The following SH2D4A variants were observed in gnomAD, a reference collection of about 807,000 sequenced individuals.
SH2D4A encodes the protein SH2 domain containing 4A.
SH2D4A carries 70 observed loss-of-function variants against 64.7 expected under a neutral mutation model. The observed-to-expected ratio is 1.08, with a 90% confidence interval of 0.89 to 1.32. SH2D4A has a LOEUF of 1.32. Ranked by LOEUF, SH2D4A falls within the 40% of genes most tolerant of loss-of-function variation. The pLI is 0.00. For missense variants in SH2D4A, 706 were observed against 540.1 expected (o/e 1.31, Z -3.04); for synonymous variants, 268 against 200.7 (o/e 1.34, Z -2.83).
At chr8:19,385,088 G>A (rs1018822397) in intron 8 of SH2D4A, among the ~76,000 whole-genome samples, 2 of 152,086 alleles carry the variant, frequency 1.3e-5, no homozygotes, top group African/African-American at 2.4e-5. Flanking sequence ...TGCTGTCATG[G>A]CATACAACTG....
At chr8:19,323,539 C>A (rs1484557635) in intron 2 of SH2D4A, among the ~76,000 whole-genome samples, 2 of 152,058 alleles carry the variant, frequency 1.3e-5, no homozygotes, top group Non-Finnish European at 2.9e-5. Context: ...CGCCAGCACA[C>A]CCAGCTAATT....
intron 7 of SH2D4A, among the ~76,000 whole-genome samples, chr8:19,372,892 G>C (rs1477211129): frequency 6.6e-6 from 1 of 151,376 alleles, no homozygotes; most frequent in Non-Finnish European, 1.5e-5. Flanking sequence ...TGTGGAAGAG[G>C]ATAAAGCAAG....
chr8:19,374,758 C>T (rs1271536915), intron 8 of SH2D4A, among the ~76,000 whole-genome samples: 7 of 152,034 alleles, frequency 4.6e-5, no homozygotes, highest in Non-Finnish European at 1.0e-4. Context: ...GGTTGCAAGC[C>T]TCCTTCCTTT....
Position 19,340,533 on chromosome 8 carries a change from T to C in SH2D4A, c.513+5676T>C, listed in dbSNP as rs757249809. Among the ~76,000 whole-genome samples the C allele has an allele frequency of 2.0e-5, 3 of 151,962 alleles. 1 individual carries two copies. Among genetic ancestry groups the C allele is most frequent in the Non-Finnish European group, 4.4e-5 (3 of 67,984 alleles). On this transcript the variant is annotated intron_variant, in intron 4 of 9. Transcript: ENST00000265807. Reference sequence around the variant, plus strand: ...GATTCTGGTTGAGATGTGTCAGGATTTCCCAGGCTACTTGCAGAAGTGGTA... The same window carrying C: ...GATTCTGGTTGAGATGTGTCAGGATCTCCCAGGCTACTTGCAGAAGTGGTA...
chr8:19,319,298 A>G, intron 1 of SH2D4A, 46 bp from the exon 2 acceptor site: 1 of 1,165,410 alleles, frequency 8.6e-7, no homozygotes, highest in East Asian at 3.9e-5. Context: ...GCCAGTGTCC[A>G]CACATTTTAA....
chr8:19,341,818 G>C, intron 4 of SH2D4A, among the ~76,000 whole-genome samples: 1 of 148,554 alleles, frequency 6.7e-6, no homozygotes, highest in East Asian at 2.0e-4. Context: ...CTCTAGCCCG[G>C]GTGACAGAGC....
At chr8:19,351,474 G>A (rs1411893805) in intron 4 of SH2D4A, among the ~76,000 whole-genome samples, 1 of 151,968 alleles carries the variant, frequency 6.6e-6, no homozygotes, top group African/African-American at 2.4e-5. Flanking sequence ...GTGCTGGCAG[G>A]CGCCTGTAGT....
intron 4 of SH2D4A, among the ~76,000 whole-genome samples, chr8:19,347,882 C>T (rs938149338): frequency 1.1e-4 from 16 of 152,196 alleles, no homozygotes; most frequent in Admixed American, 1.0e-3. Flanking sequence ...TCCACCTCCA[C>T]CACACAGGCA....
chr8:19,379,974 A>T (rs765656517), intron 8 of SH2D4A, among the ~76,000 whole-genome samples: 1 of 152,040 alleles, frequency 6.6e-6, no homozygotes, highest in Non-Finnish European at 1.5e-5. Flanking sequence ...GGCCTCAAGC[A>T]TTCCTCCCTC....
Position 19,373,637 on chromosome 8 carries a change from A to T in SH2D4A, c.1025A>T (p.Asp342Val). The change falls in exon 8 of 10, where the codon GAC becomes GTC. Residue 342 changes from aspartate to valine, a missense_variant. Physicochemically the swap from Asp to Val is radical, Grantham distance 152. Coordinates refer to ENST00000265807, the MANE Select transcript of SH2D4A (RefSeq NM_022071.4). ...PLRAGYQKTSDTIAPWFHGIL... is the reference protein window; with the variant it reads ...PLRAGYQKTSVTIAPWFHGIL... ...CGAGCGGGCTACCAGAAAACCTCAG[A>T]CACCATAGCCCCCTGGTTCCATGGT... 2 of 1,613,336 alleles carry T rather than the reference A, an allele frequency of 1.2e-6. No individual in the cohort carries two copies. The highest frequency in any genetic ancestry group is 2.2e-5 in the South Asian group (2 of 91,032).
At chr8:19,341,467 A>G (rs1053017310) in intron 4 of SH2D4A, among the ~76,000 whole-genome samples, 6 of 152,196 alleles carry the variant, frequency 3.9e-5, no homozygotes, top group Non-Finnish European at 8.8e-5. Context: ...CCAGGATTAT[A>G]AACAATATTC....
At chr8:19,381,327 A>G (rs1585205734) in intron 8 of SH2D4A, among the ~76,000 whole-genome samples, 1 of 152,320 alleles carries the variant, frequency 6.6e-6, no homozygotes, top group South Asian at 2.1e-4. Context: ...TGGGATTACA[A>G]GCATGAGCCA....
intron 2 of SH2D4A, among the ~76,000 whole-genome samples, chr8:19,326,889 C>A (rs2052290086): frequency 1.3e-5 from 2 of 152,196 alleles, no homozygotes. Flanking sequence ...CCACATCTCA[C>A]CCTCAGGTGC....
In SH2D4A at chr8:19,317,303, A is replaced by ATTT. The variant is rs761621347; in HGVS notation, c.-204-2020_-204-2018dup. Among the ~76,000 whole-genome samples the ATTT allele has an allele frequency of 7.1e-3, 694 of 97,328 alleles. 5 individuals are homozygous for ATTT. Among genetic ancestry groups the ATTT allele is most frequent in the African/African-American group, 0.012 (311 of 24,932 alleles). 63.9% of individuals were successfully genotyped at this position (97,328 alleles called of 152,430 possible). On this transcript the variant is annotated intron_variant, in intron 1 of 9. Coordinates refer to ENST00000265807, the MANE Select transcript of SH2D4A (RefSeq NM_022071.4). ...GTCAAGAAATCTTGACAAGACATCC[A>ATTT]TTTTTTTTTTTTTTTTTTTTTTTGG... is the stretch of plus-strand genomic sequence containing the variant.
intron 7 of SH2D4A, 152 bp downstream of exon 7, chr8:19,364,434 T>C (rs1487994194): frequency 1.1e-5 from 9 of 813,280 alleles, no homozygotes; most frequent in Non-Finnish European, 1.7e-5. Flanking sequence ...CTAAGCCTTC[T>C]TCCTGGGTGA....
chr8:19,395,943 A>C lies in SH2D4A; in HGVS notation c.*1301A>C, dbSNP rs1563219273. The C allele has an allele frequency of 6.6e-6, 1 of 152,040 alleles. No homozygotes were observed. The highest frequency in any genetic ancestry group is 1.5e-5 in the Non-Finnish European group (1 of 68,018). 9.4% of individuals were successfully genotyped at this position (152,040 alleles called of 1,614,324 possible). A position where few individuals can be genotyped will look rare whatever the true frequency, so the allele number is the denominator to read the frequency against. ...TGCCCAGTCCACCATTTTCATAATG[A>C]AGTAGAAATGGGAGGTAAGAAAAAC... On this transcript the variant is annotated 3_prime_UTR_variant, in exon 10 of 10. Transcript: ENST00000265807.
At position 19,333,062 on chromosome 8, in the gene SH2D4A, A is replaced by G. The variant is rs2052389382; in HGVS notation, c.289A>G (p.Ile97Val). 3.1e-6 allele frequency: 5 copies of G among 1,614,054 alleles called. No individual in the cohort carries two copies. The highest frequency in any genetic ancestry group is 4.2e-6 in the Non-Finnish European group (5 of 1,180,016). The change falls in exon 3 of 10, where the codon ATT becomes GTT. Residue 97 changes from isoleucine to valine, a missense_variant. Ile to Val is a conservative substitution (Grantham distance 29, BLOSUM62 3). Coordinates refer to ENST00000265807, the MANE Select transcript of SH2D4A (RefSeq NM_022071.4). ...ACCCTATGATGTGCTCTGTAATGAA[A>G]TTATTGCTGAGAGGGCCCGGCTGAA... ...DKPYDVLCNE[I>V]IAERARLKAE...
chr8:19,340,266 TG>T (rs1388835100), intron 4 of SH2D4A, among the ~76,000 whole-genome samples: 1 of 152,056 alleles, frequency 6.6e-6, no homozygotes, highest in Non-Finnish European at 1.5e-5. Context: ...GACAGGGTCT[TG>T]GGGGCTACTT....
At chr8:19,376,805 A>G (rs2053203534) in intron 8 of SH2D4A, among the ~76,000 whole-genome samples, 2 of 152,118 alleles carry the variant, frequency 1.3e-5, no homozygotes, top group African/African-American at 4.8e-5. Context: ...CAACATTCAG[A>G]TGAGCAGTTA....
Sources: allele counts gnomAD v4.1 joint callset (sites outside exome capture counted in the v4.1 genomes callset), GRCh38; gene constraint gnomAD v4.1.1; transcripts MANE v1.5; gene names NCBI Gene and HGNC (gene_info 2026-07-23, HGNC 2026-07-21).